The following DMBT1 variants were observed in gnomAD, a reference collection of about 807,000 sequenced individuals.
DMBT1 encodes the protein deleted in malignant brain tumors 1, also known as scavenger receptor cysteine-rich domain-containing protein DMBT1.
A neutral mutation model predicts 252.9 loss-of-function variants in DMBT1; 198 were observed. The ratio of observed to expected loss-of-function variants is 0.78; its 90% CI spans 0.70 to 0.88. The LOEUF is 0.88. DMBT1 is among the 40% of genes least tolerant of loss of function. The pLI is 0.00. For synonymous variants in DMBT1, 990 were observed against 942.7 expected (o/e 1.05, Z -0.92); for missense variants, 2,432 against 2,404.7 (o/e 1.01, Z -0.24).
At chr10:122,580,329 T>G (rs1276655177) in intron 10 of DMBT1, among the ~76,000 whole-genome samples, 2 of 152,196 alleles carry the variant, frequency 1.3e-5, no homozygotes, top group African/African-American at 4.8e-5. Context: ...TGAGGAGGTC[T>G]GGAAATAGAG....
Position 122,636,099 on chromosome 10 carries a change from T to C in DMBT1, c.6657T>C (p.Ser2219=). Residue 2219 remains serine, a synonymous_variant, in exon 53 of 56, where the codon TCT becomes TCC. Transcript: ENST00000338354. ...ATGGGGCCAGAGGCTCCTTCACTTCTTCCTCCAACTTCATGTCCATTCGCT... is the reference window on the plus strand; with the variant it reads ...ATGGGGCCAGAGGCTCCTTCACTTCCTCCTCCAACTTCATGTCCATTCGCT... ...VCDGARGSFT[S]SSNFMSIRFI... The C allele has an allele frequency of 6.2e-7, 1 of 1,614,004 alleles. No homozygotes were observed. Among genetic ancestry groups the C allele is most frequent in the Non-Finnish European group, 8.5e-7 (1 of 1,179,886 alleles).
Position 122,617,255 on chromosome 10 carries a change from C to G in DMBT1, c.4886C>G (p.Thr1629Arg), listed in dbSNP as rs1409190095. The stretch of plus-strand genomic sequence containing the variant: ...ACTTGGCCAACCTCTCGTGCATCAA[C>G]AGCAGGTAAACAATCCTCTCACCCC... ...PDTWPTSRAS[T>R]AGSESTLALR... The change falls in exon 40 of 56, where the codon ACA becomes AGA. Residue 1629 changes from threonine (T) to arginine (R), a missense_variant. Thr to Arg is a moderately conservative substitution (Grantham distance 71). Transcript: ENST00000338354. 6.2e-7 allele frequency: 1 copy of G among 1,609,826 alleles called. No individual in the cohort carries two copies. Among genetic ancestry groups the G allele is most frequent in the Non-Finnish European group, 8.5e-7 (1 of 1,178,876 alleles).
rs760163771 is a variant in DMBT1 at position 122,618,305 on chromosome 10, G to T, written c.5180G>T (p.Cys1727Phe). The stretch of plus-strand genomic sequence containing the variant: ...CACAATGGCTGGCTCTCCCACAACT[G>T]TGGCCATCATGAAGATGCTGGTGTC... ...CPHNGWLSHN[C>F]GHHEDAGVIC... Residue 1727 changes from cysteine (C) to phenylalanine (F), a missense_variant, in exon 41 of 56, where the codon TGT becomes TTT. Cys to Phe is a radical substitution (Grantham distance 205). Around this residue, in one of 3 missense-constraint regions of DMBT1, gnomAD observed 1,162 missense variants for 1,169.0 expected, o/e 0.99. Coordinates refer to ENST00000338354, the MANE Select transcript of DMBT1 (RefSeq NM_001377530.1). 2.0e-5 allele frequency: 33 copies of T among 1,613,844 alleles called. No homozygotes were observed. Among genetic ancestry groups the T allele is most frequent in the Non-Finnish European group, 2.5e-5 (30 of 1,179,782 alleles).
intron 2 of DMBT1, 144 bp downstream of exon 2, chr10:122,566,140 A>G (rs569861797): frequency 2.4e-5 from 20 of 844,032 alleles, no homozygotes; most frequent in Admixed American, 6.2e-5. Context: ...GGGACAGGAG[A>G]CGTGCGTGCC....
At chr10:122,627,153 G>C (rs1003996319) in intron 46 of DMBT1, among the ~76,000 whole-genome samples, 19 of 152,192 alleles carry the variant, frequency 1.2e-4, no homozygotes, top group African/African-American at 3.9e-4. Context: ...TATCTTTTCT[G>C]CCAAACTGCA....
chr10:122,566,094 G>A, intron 2 of DMBT1, 98 bp downstream of exon 2: 1 of 1,298,082 alleles, frequency 7.7e-7, no homozygotes, highest in South Asian at 1.2e-5. Flanking sequence ...AGGTCACAGA[G>A]CAAACGCCTG....
At chr10:122,565,832 C>T (rs946534602) in intron 1 of DMBT1, 135 bp from the exon 2 acceptor site, 4 of 780,850 alleles carry the variant, frequency 5.1e-6, no homozygotes, top group Admixed American at 2.0e-5. Context: ...GCAAGAACGT[C>T]GGGGACACAC....
chr10:122,635,345 C>T (rs997799472), intron 52 of DMBT1, among the ~76,000 whole-genome samples: 2 of 152,098 alleles, frequency 1.3e-5, no homozygotes, highest in African/African-American at 4.8e-5. Context: ...TGTGGGGGCA[C>T]TAGGGACTTT....
At chr10:122,597,845 A>T in intron 24 of DMBT1, 129 bp from the exon 25 acceptor site, 1 of 1,392,784 alleles carries the variant, frequency 7.2e-7, no homozygotes, top group Non-Finnish European at 1.0e-6. Flanking sequence ...GGGCAGACAC[A>T]TGGGGAGCAA....
At position 122,576,495 on chromosome 10, in the gene DMBT1, G is replaced by A; in HGVS notation, c.380G>A (p.Cys127Tyr). The A allele has an allele frequency of 6.2e-7, 1 of 1,614,012 alleles. No homozygotes were observed. The highest frequency in any genetic ancestry group is 8.5e-7 in the Non-Finnish European group (1 of 1,179,884). ...TACCGAGGCTCCTGGGGCACCGTGT[G>A]TGATGACAGCTGGGACACCAATGAT... The part of the protein sequence containing the change: ...ILYRGSWGTV[C>Y]DDSWDTNDAN... The change falls in exon 7 of 56, where the codon TGT becomes TAT. Residue 127 changes from cysteine to tyrosine, a missense_variant. Cys to Tyr is a radical substitution (Grantham distance 194, BLOSUM62 -2). Around this residue, in one of 3 missense-constraint regions of DMBT1, gnomAD observed 1,264 missense variants for 1,082.2 expected, o/e 1.17. Transcript: ENST00000338354.
rs749720880 is a variant in DMBT1, at chr10:122,590,706, G to T, written c.2137+12G>T. The T allele has an allele frequency of 2.5e-6, 4 of 1,586,866 alleles. No individual in the cohort carries two copies. In the African/African-American group the frequency reaches 4.0e-5, roughly 16 times the overall value. On this transcript the variant is annotated intron_variant, in intron 18 of 55. Coordinates refer to ENST00000338354, the MANE Select transcript of DMBT1 (RefSeq NM_001377530.1). ...GACGCCCAGGCCAGGTGAGTCCCCA[G>T]TGTCCTTCCTTGGGATGTCCCTTTT...
chr10:122,575,617 A>G (rs920326534), intron 6 of DMBT1, among the ~76,000 whole-genome samples: 3 of 152,172 alleles, frequency 2.0e-5, no homozygotes, highest in African/African-American at 7.2e-5. Flanking sequence ...GTGACAGGTA[A>G]TGAGTAACTT....
At chr10:122,643,025 G>T (rs1844848832) in intron 55 of DMBT1, 97 bp from the exon 56 acceptor site, 4 of 1,510,614 alleles carry the variant, frequency 2.6e-6, no homozygotes, top group Non-Finnish European at 3.6e-6. Flanking sequence ...GGCAGGGGCA[G>T]TGAGGACAGG....
intron 1 of DMBT1, among the ~76,000 whole-genome samples, chr10:122,563,158 G>A (rs1017137142): frequency 4.6e-5 from 7 of 152,208 alleles, no homozygotes; most frequent in Non-Finnish European, 1.0e-4. Flanking sequence ...GTATGCCCAG[G>A]TTTGTGCTGG....
intron 50 of DMBT1, among the ~76,000 whole-genome samples, 151 bp downstream of exon 50, chr10:122,632,026 C>G (rs543586170): frequency 2.8e-4 from 43 of 152,228 alleles, no homozygotes; most frequent in Non-Finnish European, 4.7e-4. Context: ...TGCCGGCCAC[C>G]AGGATAGTGT....
chr10:122,591,400 C>A (rs2097848030), intron 18 of DMBT1, 79 bp from the exon 19 acceptor site: 2 of 1,423,374 alleles, frequency 1.4e-6, no homozygotes, highest in African/African-American at 2.7e-5. Flanking sequence ...ATGATGCTTG[C>A]CTTGTCCAGA....
chr10:122,635,823 T>C (rs972947846), intron 52 of DMBT1, among the ~76,000 whole-genome samples, 168 bp from the exon 53 acceptor site: 2 of 152,164 alleles, frequency 1.3e-5, no homozygotes, highest in Admixed American at 1.3e-4. Flanking sequence ...CCCAAAGTGC[T>C]GGGATTATAA....
chr10:122,631,089 G>A lies in DMBT1; in HGVS notation c.6154G>A (p.Val2052Ile), dbSNP rs778375369. Residue 2052 changes from valine (V) to isoleucine (I), a missense_variant, in exon 49 of 56, where the codon GTC becomes ATC. Coordinates refer to ENST00000338354, the MANE Select transcript of DMBT1 (RefSeq NM_001377530.1). ...DSWTIQEAEV[V>I]CRQLGCGRAV... ...CTGGACCATTCAGGAAGCTGAGGTG[G>A]TCTGCAGACAGCTAGGGTGTGGACG... 6.2e-7 allele frequency: 1 copy of A among 1,613,980 alleles called. No individual in the cohort carries two copies. The highest frequency in any genetic ancestry group is 1.1e-5 in the South Asian group (1 of 91,070).
intron 44 of DMBT1, among the ~76,000 whole-genome samples, chr10:122,624,306 C>T (rs539480136): frequency 2.0e-4 from 31 of 152,290 alleles, no homozygotes; most frequent in African/African-American, 7.0e-4. Flanking sequence ...AGAGAACATG[C>T]ACAGCTCAGT....
Sources: allele counts gnomAD v4.1 joint callset (sites outside exome capture counted in the v4.1 genomes callset), GRCh38; gene constraint gnomAD v4.1.1; regional missense constraint gnomAD v4.1.1; transcripts MANE v1.5; gene names NCBI Gene and HGNC (gene_info 2026-07-23, HGNC 2026-07-21).